The following FBXO10 variants were observed in gnomAD, a reference collection of about 807,000 sequenced individuals.
FBXO10 encodes F-box only protein 10.
A neutral mutation model predicts 80.7 loss-of-function variants in FBXO10; 39 were observed. The observed-to-expected ratio is 0.48, with a 90% CI of 0.37 to 0.63. FBXO10 has a LOEUF of 0.63. Ranked by LOEUF, FBXO10 falls within the 30% of genes least tolerant of loss-of-function variation. The pLI is 0.00. For synonymous variants in FBXO10, 449 were observed against 489.6 expected, an observed-to-expected ratio of 0.92 and a Z score of 1.09; for missense variants, 1,025 against 1,269.0, an observed-to-expected ratio of 0.81 and a Z score of 2.92.
chr9:37,557,751 T>A (rs570083027), intron 1 of FBXO10, among the ~76,000 whole-genome samples: 2 of 152,230 alleles, frequency 1.3e-5, no homozygotes, highest in East Asian at 3.8e-4. Context: ...CTACATTTCT[T>A]ATCTATTTCC....
chr9:37,541,506 T>C lies in FBXO10; in HGVS notation c.263A>G (p.Asn88Ser). 6.2e-6 allele frequency: 10 copies of C among 1,613,988 alleles called. No individual in the cohort carries two copies. Among genetic ancestry groups the C allele is most frequent in the Non-Finnish European group, 8.5e-6 (10 of 1,179,860 alleles). The change falls in exon 2 of 11, where the codon AAT becomes AGT. Residue 88 changes from asparagine to serine, a missense_variant. Coordinates refer to ENST00000432825, the MANE Select transcript of FBXO10 (RefSeq NM_012166.3). ...HYLASKTWTK[N>S]ALDLESSICF... ...GATGGAAGACTCCAAGTCCAAGGCA[T>C]TCTTGGTCCATGTCTTGGATGCAAG...
chr9:37,523,889 C>A (rs1821404417), intron 6 of FBXO10, among the ~76,000 whole-genome samples: 1 of 152,202 alleles, frequency 6.6e-6, no homozygotes, highest in African/African-American at 2.4e-5. Flanking sequence ...TGCACTCCAG[C>A]CTGGGCAACA....
chr9:37,553,168 A>G (rs1296136506), intron 1 of FBXO10, among the ~76,000 whole-genome samples: 1 of 151,918 alleles, frequency 6.6e-6, no homozygotes, highest in Non-Finnish European at 1.5e-5. Context: ...CAGCCTCCCG[A>G]GTAGCTGGGA....
intron 1 of FBXO10, among the ~76,000 whole-genome samples, chr9:37,554,502 C>T (rs149680395): frequency 6.6e-6 from 1 of 152,278 alleles, no homozygotes; most frequent in African/African-American, 2.4e-5. Flanking sequence ...ATGTGCAATA[C>T]AACCCCCTAC....
At chr9:37,523,112 G>T in intron 6 of FBXO10, 135 bp from the exon 7 acceptor site, 1 of 939,486 alleles carries the variant, frequency 1.1e-6, no homozygotes, top group Non-Finnish European at 1.6e-6. Context: ...AATTAGCACT[G>T]TAAATCTTGT....
intron 1 of FBXO10, among the ~76,000 whole-genome samples, chr9:37,565,757 CAG>C (rs1247906092): frequency 6.6e-6 from 1 of 152,202 alleles, no homozygotes; most frequent in Non-Finnish European, 1.5e-5. Flanking sequence ...AGCCCGTCCC[CAG>C]AGACTCTTGT....
intron 1 of FBXO10, among the ~76,000 whole-genome samples, chr9:37,548,375 A>C (rs1013305132): frequency 6.6e-6 from 1 of 152,064 alleles, no homozygotes; most frequent in Non-Finnish European, 1.5e-5. Flanking sequence ...ACACAGCGAG[A>C]CTCCATCTCA....
At chr9:37,525,038 G>T in intron 6 of FBXO10, 64 bp downstream of exon 6, 1 of 1,412,314 alleles carries the variant, frequency 7.1e-7, no homozygotes, top group Non-Finnish European at 9.8e-7. Flanking sequence ...AGGTCCTGAA[G>T]CTGGGGGGTG....
At chr9:37,534,456 G>A (rs753943056) in intron 3 of FBXO10, among the ~76,000 whole-genome samples, 3 of 152,030 alleles carry the variant, frequency 2.0e-5, no homozygotes, top group East Asian at 1.9e-4. Flanking sequence ...GTGAGACTCC[G>A]TCTCAAAAAA....
At chr9:37,543,087 C>T (rs968417571) in intron 1 of FBXO10, among the ~76,000 whole-genome samples, 1 of 152,218 alleles carries the variant, frequency 6.6e-6, no homozygotes, top group Non-Finnish European at 1.5e-5. Flanking sequence ...CCAGGACAGA[C>T]TACTGCTGAG....
At chr9:37,560,570 T>G (rs1215939989) in intron 1 of FBXO10, among the ~76,000 whole-genome samples, 1 of 152,198 alleles carries the variant, frequency 6.6e-6, no homozygotes, top group Non-Finnish European at 1.5e-5. Context: ...ATTTACTATA[T>G]CTTTACACTA....
intron 3 of FBXO10, among the ~76,000 whole-genome samples, chr9:37,532,294 CT>C (rs869146793): frequency 0.041 from 4,179 of 102,394 alleles, 84 homozygotes; most frequent in African/African-American, 0.11. Flanking sequence ...CACATTGGTT[CT>C]TTTTTTTTTT....
chr9:37,557,511 A>G (rs1822367371), intron 1 of FBXO10, among the ~76,000 whole-genome samples: 1 of 152,194 alleles, frequency 6.6e-6, no homozygotes, highest in South Asian at 2.1e-4. Flanking sequence ...TCCTCCAACC[A>G]TGTTCTTGGC....
In FBXO10 at chr9:37,537,205, C is replaced by T. The variant is rs1354251183; in HGVS notation, c.1324G>A (p.Gly442Arg). 6.2e-7 allele frequency: 1 copy of T among 1,613,954 alleles called. No individual in the cohort carries two copies. The highest frequency in any genetic ancestry group is 1.7e-5 in the Admixed American group (1 of 60,028). Residue 442 changes from glycine to arginine, a missense_variant, in exon 3 of 11, where the codon GGA becomes AGA. Physicochemically the swap from Gly to Arg is moderately radical, Grantham distance 125. Coordinates refer to ENST00000432825, the MANE Select transcript of FBXO10 (RefSeq NM_012166.3). ...CCGTGGGAGCAGACGAAGACGCCTC[C>T]CTTCCCGTCCCGGAAGAGGCACTTG... Reference protein sequence around the residue: ...IRKCLFRDGKGGVFVCSHGRA... With the variant: ...IRKCLFRDGKRGVFVCSHGRA...
intron 8 of FBXO10, among the ~76,000 whole-genome samples, chr9:37,521,286 A>ACACTGTCTGGGAAGTGAGGAGCG (rs1821338771): frequency 6.7e-6 from 1 of 149,130 alleles, no homozygotes; most frequent in Non-Finnish European, 1.5e-5. Flanking sequence ...AGTGAGGAGC[A>ACACTGTCTGGGAAGTGAGGAGCG]CCTCTCCCTG....
chr9:37,516,613 T>A (rs1821183452), intron 9 of FBXO10, among the ~76,000 whole-genome samples: 1 of 152,058 alleles, frequency 6.6e-6, no homozygotes. Context: ...GCAGGACAAT[T>A]TACAATTGCA....
At position 37,529,262 on chromosome 9, in the gene FBXO10, T is replaced by C. The variant is rs1468508522; in HGVS notation, c.1570-2A>G. 6.2e-7 allele frequency: 1 copy of C among 1,603,110 alleles called. No individual in the cohort carries two copies. Among genetic ancestry groups the C allele is most frequent in the Non-Finnish European group, 8.5e-7 (1 of 1,174,868 alleles). Reference sequence around the variant, plus strand: ...AAGGCCATGGTGGATCTGGTTACACTGCAAGTGAAAATGAGACACCACAGA... The same window carrying C: ...AAGGCCATGGTGGATCTGGTTACACCGCAAGTGAAAATGAGACACCACAGA... On this transcript the variant is annotated splice_acceptor_variant, in intron 4 of 10. Coordinates refer to ENST00000432825, the MANE Select transcript of FBXO10 (RefSeq NM_012166.3). LOFTEE classifies it high-confidence loss of function.
intron 6 of FBXO10, among the ~76,000 whole-genome samples, chr9:37,523,820 G>C (rs1404308976): frequency 1.3e-5 from 2 of 152,218 alleles, no homozygotes; most frequent in Admixed American, 1.3e-4. Context: ...GGGAGGCTGA[G>C]GCAGAAGAAT....
Position 37,541,593 on chromosome 9 carries a change from T to C in FBXO10, c.176A>G (p.Asn59Ser), listed in dbSNP as rs775002988. The C allele has an allele frequency of 3.9e-5, 63 of 1,613,678 alleles. No homozygotes were observed. Among genetic ancestry groups the C allele is most frequent in the South Asian group, 5.5e-5 (5 of 91,038 alleles). ...CLGCTECRHP[N>S]WPNQPDVEPE... ...CTCCACATCTGGCTGGTTGGGCCAA[T>C]TGGGATGGCGGCACTCGGTGCAACC... The change falls in exon 2 of 11, where the codon AAT (asparagine) becomes AGT (serine). Residue 59 changes from asparagine (N) to serine (S), a missense_variant. Around this residue, in one of 3 missense-constraint regions of FBXO10, gnomAD observed 450 missense variants for 499.4 expected, o/e 0.90. Coordinates refer to ENST00000432825, the MANE Select transcript of FBXO10 (RefSeq NM_012166.3).
Sources: allele counts gnomAD v4.1 joint callset (sites outside exome capture counted in the v4.1 genomes callset), GRCh38; gene constraint gnomAD v4.1.1; regional missense constraint gnomAD v4.1.1; transcripts MANE v1.5; gene names NCBI Gene and HGNC (gene_info 2026-07-23, HGNC 2026-07-21).